The following DACH2 variants were observed in gnomAD, a reference collection of about 807,000 sequenced individuals.
DACH2 encodes dachshund homolog 2.
Under a neutral mutation model 35.8 loss-of-function variants are expected in DACH2, and 17 were observed. That is an observed-to-expected ratio of 0.48 (90% CI 0.33 to 0.71). The LOEUF is 0.71. Ranked by LOEUF, DACH2 falls within the 30% of genes least tolerant of loss-of-function variation. The probability of loss-of-function intolerance (pLI) is 0.02; values close to 1 mark genes in which losing one functional copy is unlikely to be tolerated. For synonymous variants in DACH2, 195 were observed against 177.3 expected, an observed-to-expected ratio of 1.10 and a Z score of -0.79; for missense variants, 469 against 472.7, an observed-to-expected ratio of 0.99 and a Z score of 0.07.
intron 1 of DACH2, among the ~76,000 whole-genome samples, chrX:86,268,169 A>G (rs924169390): frequency 8.9e-6 from 1 of 112,459 alleles, no homozygotes; most frequent in Admixed American, 9.5e-5. Context: ...TATGTGCCAA[A>G]GGGCCATAAT....
intron 2 of DACH2, among the ~76,000 whole-genome samples, chrX:86,476,862 G>A (rs1463851441): frequency 9.0e-6 from 1 of 110,825 alleles, no homozygotes; most frequent in East Asian, 2.8e-4. Context: ...ATTATCATTT[G>A]TTTCAAGAAG....
At chrX:86,800,452 T>C (rs1175268485) in intron 7 of DACH2, among the ~76,000 whole-genome samples, 1 of 111,650 alleles carries the variant, frequency 9.0e-6, no homozygotes, top group Non-Finnish European at 1.9e-5. Context: ...CTTGCCTCTT[T>C]GGATATATAT....
At chrX:86,220,988 AT>A (rs2032697370) in intron 1 of DACH2, among the ~76,000 whole-genome samples, 1 of 110,763 alleles carries the variant, frequency 9.0e-6, no homozygotes, top group South Asian at 3.8e-4. Flanking sequence ...ACCTTTTTAT[AT>A]TTTTTCCCTT....
At chrX:86,713,109 T>G (rs748223768) in intron 5 of DACH2, among the ~76,000 whole-genome samples, 36 of 111,693 alleles carry the variant, frequency 3.2e-4, no homozygotes, top group Non-Finnish European at 3.8e-5. Context: ...TGTACTTTCT[T>G]GTTAACAGTT....
intron 1 of DACH2, among the ~76,000 whole-genome samples, chrX:86,370,438 T>C (rs1272256698): frequency 9.0e-6 from 1 of 111,582 alleles, no homozygotes; most frequent in East Asian, 2.8e-4. Flanking sequence ...TTTCTGTGAG[T>C]CATTCTGAAC....
chrX:86,303,571 A>G (rs1386486835), intron 1 of DACH2, among the ~76,000 whole-genome samples: 1 of 110,845 alleles, frequency 9.0e-6, no homozygotes. Flanking sequence ...CTCAAGTATC[A>G]GTTGGGAAGT....
At chrX:86,356,493 T>G (rs2035645040) in intron 1 of DACH2, among the ~76,000 whole-genome samples, 1 of 111,531 alleles carries the variant, frequency 9.0e-6, no homozygotes, top group Admixed American at 9.6e-5. Context: ...CTCTTTTTGC[T>G]TAAGATTGCT....
chrX:86,742,040 G>A (rs1057158194), intron 7 of DACH2, among the ~76,000 whole-genome samples: 8 of 110,608 alleles, frequency 7.2e-5, no homozygotes, highest in Non-Finnish European at 1.5e-4. Flanking sequence ...CTTACACTTA[G>A]AAGTAAAATC....
At chrX:86,441,146 C>A (rs2037154024) in intron 2 of DACH2, among the ~76,000 whole-genome samples, 1 of 111,349 alleles carries the variant, frequency 9.0e-6, no homozygotes, top group African/African-American at 3.3e-5. Flanking sequence ...ATAGTAATCA[C>A]ATCAGGGTAA....
intron 2 of DACH2, among the ~76,000 whole-genome samples, chrX:86,463,392 T>A (rs1375642088): frequency 9.1e-6 from 1 of 110,451 alleles, no homozygotes. Context: ...CCACCTGATT[T>A]TCAACAAACC....
rs779850524 is a variant in DACH2 at position 86,326,204 on chromosome X, C to T, written c.489-50620C>T. Among the ~76,000 whole-genome samples, 10 of 110,572 alleles carry T rather than the reference C, an allele frequency of 9.0e-5. No individual in the cohort carries two copies. The East Asian group carries it at 2.0e-3, about 22-fold the overall frequency. On this transcript the variant is annotated intron_variant, in intron 1 of 11. Coordinates refer to ENST00000373125, the MANE Select transcript of DACH2 (RefSeq NM_053281.3). ...AAAAATATCTGTATCCGGCTGGGTG[C>T]GGTGGCTCACGCCTGTGATCCCAGC... is the stretch of plus-strand genomic sequence containing the variant.
chrX:86,756,066 G>T (rs191494830), intron 7 of DACH2, among the ~76,000 whole-genome samples: 4 of 110,681 alleles, frequency 3.6e-5, no homozygotes, highest in Non-Finnish European at 5.7e-5. Context: ...ATTTATTTTT[G>T]GATTCTCTAT....
At chrX:86,545,861 C>T in intron 3 of DACH2, among the ~76,000 whole-genome samples, 1 of 111,746 alleles carries the variant, frequency 8.9e-6, no homozygotes, top group South Asian at 3.7e-4. Context: ...AAGATAATAA[C>T]TTCAAGAAAT....
At chrX:86,331,984 A>T (rs1452055585) in intron 1 of DACH2, among the ~76,000 whole-genome samples, 1 of 111,873 alleles carries the variant, frequency 8.9e-6, no homozygotes, top group South Asian at 3.7e-4. Flanking sequence ...TTTCACCGAC[A>T]TGGAGTTTTC....
intron 2 of DACH2, among the ~76,000 whole-genome samples, chrX:86,506,404 T>C (rs1336240256): frequency 1.8e-5 from 2 of 111,530 alleles, no homozygotes; most frequent in African/African-American, 6.5e-5. Flanking sequence ...TATTTATTTA[T>C]TATTTTTGAG....
intron 3 of DACH2, among the ~76,000 whole-genome samples, chrX:86,529,977 G>GCACACACACACA (rs34621582): frequency 1.2e-5 from 1 of 84,244 alleles, no homozygotes; most frequent in African/African-American, 4.7e-5. Flanking sequence ...ACACACACAC[G>GCACACACACACA]CACACACACA....
intron 7 of DACH2, among the ~76,000 whole-genome samples, chrX:86,805,239 C>T (rs1397400790): frequency 1.8e-5 from 2 of 112,912 alleles, no homozygotes; most frequent in Non-Finnish European, 3.7e-5. Context: ...GGCTTAACAC[C>T]ACATGAAAGC....
At chrX:86,402,688 T>A (rs2036455035) in intron 2 of DACH2, among the ~76,000 whole-genome samples, 1 of 111,462 alleles carries the variant, frequency 9.0e-6, no homozygotes. Context: ...AGTCTACAAT[T>A]CATATAGAAC....
intron 5 of DACH2, among the ~76,000 whole-genome samples, chrX:86,705,576 A>T (rs1042642913): frequency 2.7e-5 from 3 of 111,421 alleles, no homozygotes; most frequent in Non-Finnish European, 5.7e-5. Flanking sequence ...GATATTATTA[A>T]AATTTTTAAA....
Sources: allele counts gnomAD v4.1 joint callset (sites outside exome capture counted in the v4.1 genomes callset), GRCh38; gene constraint gnomAD v4.1.1; transcripts MANE v1.5; gene names NCBI Gene and HGNC (gene_info 2026-07-23, HGNC 2026-07-21).